LRGUK: variants seen among roughly 807,000 people sequenced by gnomAD.
LRGUK encodes leucine-rich repeat and guanylate kinase domain-containing protein.
Under a neutral mutation model 76.0 loss-of-function variants are expected in LRGUK, and 65 were observed. The ratio of observed to expected loss-of-function variants is 0.85; its 90% CI spans 0.70 to 1.05. The LOEUF (loss-of-function observed/expected upper bound fraction) is 1.05, where lower values mean the gene tolerates loss of function less well. Ranked by LOEUF, LRGUK falls within the 50% of genes least tolerant of loss-of-function variation. The pLI is 0.00. For missense variants in LRGUK, 758 were observed against 732.8 expected (o/e 1.03, Z -0.40); for synonymous variants, 268 against 265.6 (o/e 1.01, Z -0.09).
chr7:134,217,925 T>TA (rs971017334), intron 15 of LRGUK, among the ~76,000 whole-genome samples: 34 of 151,480 alleles, frequency 2.2e-4, no homozygotes, highest in African/African-American at 4.6e-4. Flanking sequence ...TTCCTTTGTT[T>TA]AAAAAAAAAC....
chr7:134,189,934 C>G (rs933067570), intron 11 of LRGUK, among the ~76,000 whole-genome samples: 1 of 152,112 alleles, frequency 6.6e-6, no homozygotes, highest in African/African-American at 2.4e-5. Flanking sequence ...GGAAAGGGAG[C>G]AGTGGTATGA....
intron 18 of LRGUK, among the ~76,000 whole-genome samples, chr7:134,255,728 C>T (rs2117220527): frequency 6.6e-6 from 1 of 152,176 alleles, no homozygotes; most frequent in Non-Finnish European, 1.5e-5. Flanking sequence ...TGCATTTCAA[C>T]TCTATGTCTG....
At chr7:134,241,634 T>C (rs1802155792) in intron 16 of LRGUK, among the ~76,000 whole-genome samples, 1 of 152,062 alleles carries the variant, frequency 6.6e-6, no homozygotes, top group Admixed American at 6.5e-5. Context: ...CTGTCAACAT[T>C]AGACAGATCA....
At chr7:134,210,945 G>T (rs573600056), downstream of LRGUK, among the ~76,000 whole-genome samples, 1 of 152,208 alleles carries the variant, frequency 6.6e-6, no homozygotes, top group African/African-American at 2.4e-5. Context: ...CGCCCCAGGA[G>T]CAGTCAGAGC....
chr7:134,229,182 C>T (rs1801830770), intron 16 of LRGUK, among the ~76,000 whole-genome samples: 1 of 151,978 alleles, frequency 6.6e-6, no homozygotes, highest in Non-Finnish European at 1.5e-5. Flanking sequence ...TTGAAACCAG[C>T]CTGGCTAACA....
exon 16 of LRGUK, chr7:134,221,844 G>T: frequency 6.2e-7 from 1 of 1,603,226 alleles, no homozygotes; most frequent in South Asian, 1.1e-5. Flanking sequence ...GAATATGGGT[G>T]ATTTCCTGCA....
intron 16 of LRGUK, among the ~76,000 whole-genome samples, chr7:134,245,707 G>C (rs993522613): frequency 6.6e-6 from 1 of 152,084 alleles, no homozygotes; most frequent in African/African-American, 2.4e-5. Flanking sequence ...AAAAGTAAGG[G>C]CGGTATACAA....
At chr7:134,197,757 T>C (rs1186742954) in intron 13 of LRGUK, among the ~76,000 whole-genome samples, 5 of 152,234 alleles carry the variant, frequency 3.3e-5, no homozygotes, top group African/African-American at 1.2e-4. Flanking sequence ...TTAGAGTATA[T>C]AGAAGCTTCT....
chr7:134,191,752 G>T lies in LRGUK; in HGVS notation c.1431+1G>T, dbSNP rs199992406. On this transcript the variant is annotated splice_donor_variant, in intron 12 of 15. Transcript: ENST00000645682. LOFTEE classifies it high-confidence loss of function. ...CGTTTTTGATGAAATGGTGAACATGGTAAGAATGTTTGCCTTTGTTTTTAT... is the reference window on the plus strand; with the variant it reads ...CGTTTTTGATGAAATGGTGAACATGTTAAGAATGTTTGCCTTTGTTTTTAT... 6.3e-7 allele frequency: 1 copy of T among 1,591,066 alleles called. No individual in the cohort carries two copies. The highest frequency in any genetic ancestry group is 8.6e-7 in the Non-Finnish European group (1 of 1,162,006).
At chr7:134,215,225 A>C (rs1449303276), downstream of LRGUK, among the ~76,000 whole-genome samples, 8 of 152,190 alleles carry the variant, frequency 5.3e-5, no homozygotes, top group Non-Finnish European at 1.0e-4. Context: ...GGCAAAAAAA[A>C]AAAAGTGTCA....
chr7:134,252,092 G>A (rs1802460886), intron 18 of LRGUK, among the ~76,000 whole-genome samples: 1 of 151,940 alleles, frequency 6.6e-6, no homozygotes, highest in Admixed American at 6.6e-5. Flanking sequence ...CCAGTACTTT[G>A]GGAAGGCAAG....
intron 15 of LRGUK, among the ~76,000 whole-genome samples, chr7:134,206,875 T>C (rs1391013889): frequency 2.0e-5 from 3 of 152,204 alleles, no homozygotes; most frequent in Non-Finnish European, 4.4e-5. Context: ...TTGCAAATCA[T>C]TAATCTGACT....
chr7:134,143,286 C>G (rs1797843956), intron 4 of LRGUK, 124 bp downstream of exon 4: 1 of 632,074 alleles, frequency 1.6e-6, no homozygotes, highest in East Asian at 2.6e-5. Context: ...ATGTAAGTGT[C>G]TGAAATGAAA....
At chr7:134,209,884 G>A (rs921264187) in exon 16 of LRGUK, 10 of 399,028 alleles carry the variant, frequency 2.5e-5, no homozygotes, top group Admixed American at 1.3e-4. Context: ...AGGAGGAGGC[G>A]GCTCAGAAAG....
chr7:134,214,775 AAC>A (rs56096728), downstream of LRGUK, among the ~76,000 whole-genome samples: 60,948 of 146,512 alleles, frequency 0.42, 12,718 homozygotes, highest in Non-Finnish European at 0.45. Flanking sequence ...ATTAAATTTA[AAC>A]ACACACACAC....
At chr7:134,175,122 A>G (rs1206474649) in intron 8 of LRGUK, among the ~76,000 whole-genome samples, 1 of 152,216 alleles carries the variant, frequency 6.6e-6, no homozygotes, top group Non-Finnish European at 1.5e-5. Flanking sequence ...TGAAATAATT[A>G]TAGAACAGAA....
intron 11 of LRGUK, among the ~76,000 whole-genome samples, chr7:134,191,142 G>A (rs889461335): frequency 3.9e-5 from 6 of 152,114 alleles, no homozygotes; most frequent in African/African-American, 1.4e-4. Context: ...CATACAATTG[G>A]AATGCAATTG....
intron 5 of LRGUK, among the ~76,000 whole-genome samples, chr7:134,157,778 C>A (rs1798546126): frequency 6.6e-6 from 1 of 152,186 alleles, no homozygotes; most frequent in African/African-American, 2.4e-5. Flanking sequence ...CCACCTCGGC[C>A]TCCCAAAGTG....
chr7:134,229,984 C>A (rs1175150101), intron 16 of LRGUK, among the ~76,000 whole-genome samples: 1 of 151,950 alleles, frequency 6.6e-6, no homozygotes, highest in African/African-American at 2.4e-5. Context: ...GTCAAGATTT[C>A]TTAAATGTAA....
Sources: allele counts gnomAD v4.1 joint callset (sites outside exome capture counted in the v4.1 genomes callset), GRCh38; gene constraint gnomAD v4.1.1; transcripts MANE v1.5; gene names NCBI Gene and HGNC (gene_info 2026-07-23, HGNC 2026-07-21).